TEX48: variants seen among roughly 807,000 people sequenced by gnomAD.
The protein encoded by TEX48 is testis expressed 48, also known as testis-expressed protein 48.
TEX48 carries 10 observed loss-of-function variants against 13.2 expected under a neutral mutation model. The observed-to-expected ratio is 0.75, with a 90% confidence interval of 0.47 to 1.28. The LOEUF (loss-of-function observed/expected upper bound fraction) is 1.28, where lower values mean the gene tolerates loss of function less well. Ranked by LOEUF, TEX48 falls within the 50% of genes most tolerant of loss-of-function variation. TEX48 has a pLI of 0.00. For synonymous variants in TEX48, 45 were observed against 52.3 expected, an observed-to-expected ratio of 0.86 and a Z score of 0.60; for missense variants, 116 against 139.4, an observed-to-expected ratio of 0.83 and a Z score of 0.84.
intron 1 of TEX48, among the ~76,000 whole-genome samples, chr9:114,679,360 G>A (rs774660904): frequency 2.0e-5 from 3 of 150,942 alleles, no homozygotes; most frequent in Non-Finnish European, 2.9e-5. Flanking sequence ...TAAGAATTTG[G>A]AGTCTGTGGA....
At chr9:114,667,348 A>G (rs1458106280) in intron 4 of TEX48, among the ~76,000 whole-genome samples, 5 of 152,192 alleles carry the variant, frequency 3.3e-5, no homozygotes, top group Non-Finnish European at 7.4e-5. Context: ...GCGCCCAGCA[A>G]TGTGGCTGCA....
intron 1 of TEX48, among the ~76,000 whole-genome samples, chr9:114,674,297 C>T (rs944851583): frequency 2.0e-5 from 3 of 152,090 alleles, no homozygotes; most frequent in Non-Finnish European, 4.4e-5. Context: ...CATTTGCCCC[C>T]CCTGCTGAGT....
chr9:114,679,723 C>A (rs930698778), intron 1 of TEX48, among the ~76,000 whole-genome samples: 1 of 152,122 alleles, frequency 6.6e-6, no homozygotes, highest in African/African-American at 2.4e-5. Context: ...AGGGATGAAA[C>A]CCTTCTTGGG....
At chr9:114,667,622 A>G (rs908424243) in intron 4 of TEX48, among the ~76,000 whole-genome samples, 1 of 152,168 alleles carries the variant, frequency 6.6e-6, no homozygotes, top group Admixed American at 6.5e-5. Context: ...TGATGCCGCC[A>G]GGTGCGGTGG....
intron 1 of TEX48, among the ~76,000 whole-genome samples, chr9:114,681,637 T>C (rs943360161): frequency 1.3e-5 from 2 of 152,170 alleles, no homozygotes; most frequent in Non-Finnish European, 2.9e-5. Flanking sequence ...GATGAATATG[T>C]AGGGAGATGC....
At chr9:114,670,492 C>CT (rs11384418) in intron 3 of TEX48, among the ~76,000 whole-genome samples, 68,313 of 148,166 alleles carry the variant, frequency 0.46, 15,533 homozygotes, top group Admixed American at 0.49. Flanking sequence ...AATAGTGCTT[C>CT]TTTTTTTTTT....
chr9:114,679,360 G>T (rs774660904), intron 1 of TEX48, among the ~76,000 whole-genome samples: 4 of 150,942 alleles, frequency 2.7e-5, no homozygotes, highest in Non-Finnish European at 5.9e-5. Context: ...TAAGAATTTG[G>T]AGTCTGTGGA....
At chr9:114,671,147 A>G (rs1328203984) in intron 3 of TEX48, among the ~76,000 whole-genome samples, 2 of 152,216 alleles carry the variant, frequency 1.3e-5, no homozygotes, top group Non-Finnish European at 2.9e-5. Context: ...TGCATTTCTA[A>G]CAAGCTCCCA....
intron 1 of TEX48, among the ~76,000 whole-genome samples, chr9:114,675,904 C>T (rs1170666837): frequency 6.6e-6 from 1 of 152,234 alleles, no homozygotes; most frequent in Non-Finnish European, 1.5e-5. Context: ...GTTCTCACCT[C>T]AATCCTTGAG....
Position 114,671,431 on chromosome 9 carries a change from C to T in TEX48, c.79G>A (p.Asp27Asn). The change falls in exon 3 of 5, where the codon GAC (aspartate) becomes AAC (asparagine). Residue 27 changes from aspartate to asparagine, a missense_variant. Coordinates refer to ENST00000436752, the MANE Select transcript of TEX48 (RefSeq NM_001199233.2). ...RDCQEPYAIN[D>N]SKVPSQTQEH... ...TGGGTTTGACTGGGAACCTTGGAGT[C>T]ATTGATGGCATAGGGCTCCTGACAG... The T allele has an allele frequency of 6.5e-7, 1 of 1,535,470 alleles. No homozygotes were observed. The highest frequency in any genetic ancestry group is 8.7e-7 in the Non-Finnish European group (1 of 1,146,846).
At chr9:114,681,758 C>G (rs1828204829) in intron 1 of TEX48, among the ~76,000 whole-genome samples, 1 of 143,188 alleles carries the variant, frequency 7.0e-6, no homozygotes, top group African/African-American at 2.6e-5. Context: ...CTTCAGGTCT[C>G]TAGTGACCCC....
chr9:114,681,416 G>A (rs965633513), intron 1 of TEX48, among the ~76,000 whole-genome samples: 3 of 152,052 alleles, frequency 2.0e-5, no homozygotes, highest in Non-Finnish European at 2.9e-5. Context: ...ATTCTCTGGG[G>A]GTATAATTCT....
intron 1 of TEX48, among the ~76,000 whole-genome samples, chr9:114,674,610 C>CTTCA (rs1828020920): frequency 4.2e-5 from 1 of 23,962 alleles, no homozygotes; most frequent in Non-Finnish European, 1.0e-4. Context: ...TCTTTCCTTC[C>CTTCA]TTCCTTCCTT....
intron 2 of TEX48, 81 bp from the exon 3 acceptor site, chr9:114,671,586 G>T (rs1827948733): frequency 2.0e-6 from 3 of 1,525,210 alleles, no homozygotes; most frequent in Non-Finnish European, 2.6e-6. Context: ...TGTGGTGGGG[G>T]TATCATTGGG....
At chr9:114,674,299 CT>C (rs1828010049) in intron 1 of TEX48, among the ~76,000 whole-genome samples, 1 of 152,124 alleles carries the variant, frequency 6.6e-6, no homozygotes, top group South Asian at 2.1e-4. Flanking sequence ...TTTGCCCCCC[CT>C]GCTGAGTTTT....
At chr9:114,673,779 A>G (rs944247144) in intron 1 of TEX48, among the ~76,000 whole-genome samples, 9 of 149,570 alleles carry the variant, frequency 6.0e-5, no homozygotes, top group African/African-American at 2.2e-4. Flanking sequence ...ATAGGATAAG[A>G]AATAGCAAAT....
intron 1 of TEX48, among the ~76,000 whole-genome samples, chr9:114,674,584 T>TCTC (rs149976718): frequency 0.044 from 5,813 of 132,496 alleles, 375 homozygotes; most frequent in East Asian, 0.12. Flanking sequence ...CTTTCTTTTT[T>TCTC]TCTCTTTTCT....
chr9:114,676,672 A>G lies in TEX48; in HGVS notation c.-104-4845T>C, dbSNP rs564637396. ...CGCTCTGTTGCCCAGGCTGGAGTAC[A>G]GTGGCGCAATCTTGTCTCACTTCGT... On this transcript the variant is annotated intron_variant, in intron 1 of 4. Transcript: ENST00000436752. Among the ~76,000 whole-genome samples, 4 of 150,680 alleles carry G rather than the reference A, an allele frequency of 2.7e-5. No homozygotes were observed. The East Asian group carries it at 7.8e-4, about 30-fold the overall frequency.
intron 4 of TEX48, 100 bp from the exon 5 acceptor site, chr9:114,666,846 G>C (rs554296063): frequency 4.4e-5 from 29 of 652,436 alleles, no homozygotes; most frequent in Middle Eastern, 2.5e-4. Context: ...TCATTCCTCA[G>C]CTTCTTGAAT....
Sources: gnomAD v4.1 joint callset for allele counts (sites outside exome capture counted in the v4.1 genomes callset) on GRCh38, gnomAD v4.1.1 for gene constraint, MANE v1.5 for transcripts, NCBI Gene and HGNC (gene_info 2026-07-23, HGNC 2026-07-21) for gene names.